The following NPSR1 variants were observed in gnomAD, a reference collection of about 807,000 sequenced individuals.
NPSR1 encodes neuropeptide S receptor 1, also known as neuropeptide S receptor.
In NPSR1, 48 loss-of-function variants were observed where a neutral mutation model predicts 46.9. The observed-to-expected ratio is 1.02, with a 90% CI of 0.81 to 1.30. NPSR1 has a LOEUF of 1.30. Among genes scored for constraint, NPSR1 ranks in the 50% most tolerant of loss-of-function variants. The pLI is 0.00. For missense variants in NPSR1, 450 were observed against 449.5 expected, an observed-to-expected ratio of 1.00 and a Z score of -0.01; for synonymous variants, 176 against 168.1, an observed-to-expected ratio of 1.05 and a Z score of -0.36.
At chr7:34,793,685 G>A (rs1331547876) in intron 3 of NPSR1, among the ~76,000 whole-genome samples, 1 of 152,058 alleles carries the variant, frequency 6.6e-6, no homozygotes, top group Non-Finnish European at 1.5e-5. Flanking sequence ...ATTAAAAATT[G>A]AACTGCCATA....
rs577608579 is a variant in NPSR1 at position 34,838,065 on chromosome 7, C to G, written c.757+3605C>G. On this transcript the variant is annotated intron_variant, in intron 6 of 8. Coordinates refer to ENST00000360581, the MANE Select transcript of NPSR1 (RefSeq NM_207172.2). ...CTCTGAGCACTCACTCTCACTGTCT[C>G]ACCTCCTACAGCTCTCCTGTTCCCT... 4.6e-5 allele frequency among the ~76,000 whole-genome samples: 7 copies of G among 152,266 alleles called. No homozygotes were observed. The East Asian group carries it at 1.4e-3, about 29-fold the overall frequency.
intron 2 of NPSR1, among the ~76,000 whole-genome samples, chr7:34,709,584 C>T (rs1783169480): frequency 6.6e-6 from 1 of 152,186 alleles, no homozygotes; most frequent in African/African-American, 2.4e-5. Context: ...GCGTTCCTGA[C>T]TTCCTTTACT....
intron 4 of NPSR1, among the ~76,000 whole-genome samples, chr7:34,824,560 G>A (rs1016114755): frequency 6.6e-6 from 1 of 152,182 alleles, no homozygotes; most frequent in Non-Finnish European, 1.5e-5. Flanking sequence ...GCACCAGTAA[G>A]AGAAAAACAG....
At chr7:34,724,548 A>C (rs149667644) in intron 2 of NPSR1, among the ~76,000 whole-genome samples, 2 of 152,320 alleles carry the variant, frequency 1.3e-5, no homozygotes, top group Admixed American at 6.5e-5. Context: ...GATTTCTTTT[A>C]ATTCCCCCTT....
Position 34,745,245 on chromosome 7 carries a change from A to G in NPSR1, c.281-33217A>G, listed in dbSNP as rs1023234695. On this transcript the variant is annotated intron_variant, in intron 2 of 8. Transcript: ENST00000360581. ...GATTTTTGTTGGACTTTCTCATCCT[A>G]TTCATTATGCCTCTTCACTTCTCTT... 2.6e-5 allele frequency among the ~76,000 whole-genome samples: 4 copies of G among 152,132 alleles called. No individual in the cohort carries two copies. In the East Asian group the frequency reaches 7.7e-4, roughly 29 times the overall value.
chr7:34,770,589 T>C (rs1440957280), intron 2 of NPSR1, among the ~76,000 whole-genome samples: 1 of 151,666 alleles, frequency 6.6e-6, no homozygotes, highest in Non-Finnish European at 1.5e-5. Context: ...GAAAGAAAAA[T>C]AGGAATTCAA....
At chr7:34,746,251 G>A (rs1203593360) in intron 2 of NPSR1, among the ~76,000 whole-genome samples, 1 of 152,210 alleles carries the variant, frequency 6.6e-6, no homozygotes, top group Non-Finnish European at 1.5e-5. Context: ...CAAACTAGCT[G>A]TATTCAGTAG....
intron 2 of NPSR1, among the ~76,000 whole-genome samples, chr7:34,698,602 T>C (rs1471789411): frequency 6.6e-6 from 1 of 152,328 alleles, no homozygotes; most frequent in East Asian, 1.9e-4. Context: ...ATATAAAATT[T>C]AAACATCAGA....
At chr7:34,677,252 A>C (rs1322146458) in intron 1 of NPSR1, among the ~76,000 whole-genome samples, 3 of 150,060 alleles carry the variant, frequency 2.0e-5, no homozygotes, top group Non-Finnish European at 4.5e-5. Context: ...AGCCTCTTCC[A>C]TTAGGCAGAA....
chr7:34,837,752 CTT>C (rs768762064), intron 6 of NPSR1, among the ~76,000 whole-genome samples: 35 of 152,208 alleles, frequency 2.3e-4, no homozygotes, highest in Admixed American at 2.6e-4. Context: ...AAAGACAAGA[CTT>C]TTTAAAAATT....
intron 3 of NPSR1, among the ~76,000 whole-genome samples, chr7:34,793,602 ACT>A (rs1413848735): frequency 2.0e-5 from 3 of 152,118 alleles, no homozygotes; most frequent in Non-Finnish European, 4.4e-5. Context: ...GAGAAAGGAA[ACT>A]CTTACATATT....
intron 8 of NPSR1, among the ~76,000 whole-genome samples, chr7:34,861,338 C>G (rs1463097674): frequency 6.6e-6 from 1 of 151,906 alleles, no homozygotes. Context: ...ATGTTTCCCT[C>G]AGATATCTGC....
intron 3 of NPSR1, among the ~76,000 whole-genome samples, chr7:34,810,452 G>C (rs977512104): frequency 6.6e-6 from 1 of 152,096 alleles, no homozygotes; most frequent in Non-Finnish European, 1.5e-5. Context: ...AAAAGGTGTG[G>C]GTAAAGTTAA....
At chr7:34,794,962 C>T (rs1195156720) in intron 3 of NPSR1, among the ~76,000 whole-genome samples, 1 of 151,962 alleles carries the variant, frequency 6.6e-6, no homozygotes, top group Non-Finnish European at 1.5e-5. Flanking sequence ...TTATTTGAGC[C>T]CAGGGGTTAG....
intron 2 of NPSR1, among the ~76,000 whole-genome samples, chr7:34,769,453 C>A (rs1344985789): frequency 1.3e-5 from 2 of 152,256 alleles, no homozygotes; most frequent in African/African-American, 4.8e-5. Flanking sequence ...AAAATACATC[C>A]TCTTTTAATT....
chr7:34,832,464 T>C (rs1295313506), intron 5 of NPSR1, among the ~76,000 whole-genome samples: 1 of 152,144 alleles, frequency 6.6e-6, no homozygotes, highest in East Asian at 1.9e-4. Context: ...CAGTGAACTA[T>C]GATCCTGACA....
chr7:34,757,193 A>T (rs17198982), intron 2 of NPSR1, among the ~76,000 whole-genome samples: 20,846 of 152,188 alleles, frequency 0.14, 1,589 homozygotes, highest in Non-Finnish European at 0.17. Context: ...TTACAATTGC[A>T]TCAAGCTCCA....
chr7:34,779,528 T>C (rs1346967912), intron 3 of NPSR1: 2 of 1,063,308 alleles, frequency 1.9e-6, no homozygotes, highest in East Asian at 3.1e-5. Flanking sequence ...TTTTCATTGG[T>C]TTTATTATTT....
At chr7:34,665,689 T>C (rs1791708242) in intron 1 of NPSR1, among the ~76,000 whole-genome samples, 1 of 152,198 alleles carries the variant, frequency 6.6e-6, no homozygotes, top group African/African-American at 2.4e-5. Flanking sequence ...GGCTTCAGAA[T>C]TGTTCAGTAG....
Sources: allele counts gnomAD v4.1 joint callset (sites outside exome capture counted in the v4.1 genomes callset), GRCh38; gene constraint gnomAD v4.1.1; transcripts MANE v1.5; gene names NCBI Gene and HGNC (gene_info 2026-07-23, HGNC 2026-07-21).